The following BRINP3 variants were observed in gnomAD, a reference collection of about 807,000 sequenced individuals.
BRINP3 encodes BMP/retinoic acid inducible neural specific 3.
A neutral mutation model predicts 71.0 loss-of-function variants in BRINP3; 19 were observed. That is an observed-to-expected ratio of 0.27 (90% CI 0.19 to 0.39). The LOEUF (loss-of-function observed/expected upper bound fraction) is 0.39, where lower values mean the gene tolerates loss of function less well. BRINP3 is among the 10% of genes least tolerant of loss of function. The pLI is 1.00. For synonymous variants in BRINP3, 380 were observed against 337.7 expected (o/e 1.13, Z -1.37); for missense variants, 959 against 940.8 (o/e 1.02, Z -0.25).
intron 2 of BRINP3, among the ~76,000 whole-genome samples, chr1:190,437,229 A>G (rs1300580774): frequency 6.6e-6 from 1 of 151,810 alleles, no homozygotes; most frequent in Non-Finnish European, 1.5e-5. Flanking sequence ...TCCAACAGAT[A>G]CAAGACCTTG....
At chr1:190,300,044 C>G (rs1449707552) in intron 2 of BRINP3, among the ~76,000 whole-genome samples, 1 of 151,952 alleles carries the variant, frequency 6.6e-6, no homozygotes, top group Non-Finnish European at 1.5e-5. Context: ...TTGCCCTTCT[C>G]GAGGAGTATC....
intron 2 of BRINP3, among the ~76,000 whole-genome samples, chr1:190,404,922 C>T (rs542325618): frequency 2.0e-5 from 3 of 152,156 alleles, no homozygotes; most frequent in African/African-American, 7.2e-5. Flanking sequence ...CAAAAGTGAA[C>T]GGTTATCATA....
At position 190,098,328 on chromosome 1, in the gene BRINP3, T is replaced by C. The variant is rs183164365; in HGVS notation, c.1991A>G (p.Asn664Ser). The C allele has an allele frequency of 1.1e-4, 172 of 1,614,206 alleles. 2 individuals carry two copies. The Admixed American group carries it at 1.2e-3, about 11-fold the overall frequency. ...GCTGTAGCCAAACACTTGAATGTTA[T>C]TGATTTTCATATAGCCCAGGTTCCG... ...PSRNLGYMKI[N>S]NIQVFGYSMH... Residue 664 changes from asparagine to serine, a missense_variant, in exon 8 of 8, where the codon AAT becomes AGT. Transcript: ENST00000367462.
At chr1:190,251,476 A>G (rs1184826588) in intron 4 of BRINP3, among the ~76,000 whole-genome samples, 1 of 151,956 alleles carries the variant, frequency 6.6e-6, no homozygotes, top group African/African-American at 2.4e-5. Context: ...ACACCAACCT[A>G]GGGCCATGTA....
chr1:190,227,288 T>C (rs912638582), intron 5 of BRINP3, among the ~76,000 whole-genome samples: 1 of 151,864 alleles, frequency 6.6e-6, no homozygotes, highest in African/African-American at 2.4e-5. Context: ...TTAATAAAAA[T>C]CATTGATTAA....
chr1:190,474,654 C>T (rs2102726126), intron 1 of BRINP3: 1 of 152,454 alleles, frequency 6.6e-6, no homozygotes, highest in South Asian at 2.1e-4. Flanking sequence ...TGCATCTTAT[C>T]TTCGGAGGTA....
chr1:190,426,179 G>A (rs974046417), intron 2 of BRINP3, among the ~76,000 whole-genome samples: 2 of 151,688 alleles, frequency 1.3e-5, no homozygotes, highest in Admixed American at 1.3e-4. Context: ...TAATTTCGAG[G>A]ATTGTTTCTA....
At chr1:190,131,989 T>C (rs1398075110) in intron 7 of BRINP3, among the ~76,000 whole-genome samples, 1 of 152,192 alleles carries the variant, frequency 6.6e-6, no homozygotes, top group Admixed American at 6.6e-5. Context: ...CTGTCTATCC[T>C]GGCTAGTGTG....
At chr1:190,327,925 C>A (rs1666719820) in intron 2 of BRINP3, among the ~76,000 whole-genome samples, 1 of 151,540 alleles carries the variant, frequency 6.6e-6, no homozygotes, top group East Asian at 1.9e-4. Context: ...TCCATAAATT[C>A]AAAAAAAATC....
chr1:190,148,138 A>G (rs1453327340), intron 7 of BRINP3, among the ~76,000 whole-genome samples: 1 of 152,112 alleles, frequency 6.6e-6, no homozygotes, highest in Non-Finnish European at 1.5e-5. Context: ...TATTTTATAT[A>G]TTTTGCTTGG....
intron 4 of BRINP3, among the ~76,000 whole-genome samples, chr1:190,254,863 G>A (rs1660502300): frequency 6.6e-6 from 1 of 152,142 alleles, no homozygotes; most frequent in Admixed American, 6.6e-5. Flanking sequence ...TTTTCAAAGG[G>A]AATGCTTCCA....
chr1:190,100,300 TTAAA>T (rs1651591201), intron 7 of BRINP3, among the ~76,000 whole-genome samples: 1 of 152,218 alleles, frequency 6.6e-6, no homozygotes, highest in Non-Finnish European at 1.5e-5. Context: ...ACTCAATCCT[TTAAA>T]TATCTACTTA....
At chr1:190,438,652 C>T (rs1051988203) in intron 2 of BRINP3, among the ~76,000 whole-genome samples, 4 of 151,728 alleles carry the variant, frequency 2.6e-5, no homozygotes, top group Non-Finnish European at 5.9e-5. Context: ...TTGATATACA[C>T]TAAATTTAAT....
At chr1:190,368,789 T>G (rs926038044) in intron 2 of BRINP3, among the ~76,000 whole-genome samples, 11 of 152,270 alleles carry the variant, frequency 7.2e-5, no homozygotes, top group Non-Finnish European at 1.3e-4. Context: ...ACCTTAGTTA[T>G]AGATTAAAGG....
At chr1:190,448,266 A>T (rs1248535110) in intron 2 of BRINP3, among the ~76,000 whole-genome samples, 1 of 151,590 alleles carries the variant, frequency 6.6e-6, no homozygotes, top group Non-Finnish European at 1.5e-5. Flanking sequence ...GAGAATTTTT[A>T]AAATAAGGAT....
chr1:190,154,898 C>A lies in BRINP3; in HGVS notation c.1184+5770G>T, dbSNP rs777593993. Among the ~76,000 whole-genome samples, 84 of 152,192 alleles carry A rather than the reference C, an allele frequency of 5.5e-4. 1 individual carries two copies. The highest frequency in any genetic ancestry group is 6.8e-3 in the Middle Eastern group (2 of 294). ...ATTCAGACTTGGACACTTGGTGGAT[C>A]TGTTATCAAAACTTAAAAAAATGAG... On this transcript the variant is annotated intron_variant, in intron 7 of 7. Transcript: ENST00000367462.
intron 2 of BRINP3, among the ~76,000 whole-genome samples, chr1:190,358,207 A>G (rs1668872013): frequency 6.6e-6 from 1 of 152,186 alleles, no homozygotes; most frequent in African/African-American, 2.4e-5. Context: ...AGAAACTACC[A>G]TCAGAGTGAA....
At chr1:190,244,744 A>T (rs1659428701) in intron 4 of BRINP3, among the ~76,000 whole-genome samples, 1 of 152,044 alleles carries the variant, frequency 6.6e-6, no homozygotes, top group African/African-American at 2.4e-5. Context: ...CATTTAATAC[A>T]ACTATTTCAT....
intron 2 of BRINP3, among the ~76,000 whole-genome samples, chr1:190,408,824 A>G (rs528179971): frequency 6.6e-6 from 1 of 152,204 alleles, no homozygotes; most frequent in Non-Finnish European, 1.5e-5. Flanking sequence ...TCCAGATGTT[A>G]ACCATCTTAG....
Sources: allele counts gnomAD v4.1 joint callset (sites outside exome capture counted in the v4.1 genomes callset), GRCh38; gene constraint gnomAD v4.1.1; transcripts MANE v1.5; gene names NCBI Gene and HGNC (gene_info 2026-07-23, HGNC 2026-07-21).